Variants in TAFA1 observed in about 807,000 individuals in gnomAD.
TAFA1 encodes chemokine-like protein TAFA-1.
A neutral mutation model predicts 18.5 loss-of-function variants in TAFA1; 4 were observed. The observed-to-expected ratio is 0.22, with a 90% CI of 0.11 to 0.49. The LOEUF (loss-of-function observed/expected upper bound fraction) is 0.49. TAFA1 is among the 20% of genes least tolerant of loss of function. The probability of loss-of-function intolerance (pLI) is 0.98; values close to 1 mark genes in which losing one functional copy is unlikely to be tolerated. For missense variants in TAFA1, 147 were observed against 169.0 expected, an observed-to-expected ratio of 0.87 and a Z score of 0.72; for synonymous variants, 56 against 55.2, an observed-to-expected ratio of 1.01 and a Z score of -0.06.
intron 3 of TAFA1, among the ~76,000 whole-genome samples, chr3:68,440,829 C>A (rs1167714666): frequency 1.3e-5 from 2 of 152,088 alleles, no homozygotes; most frequent in African/African-American, 4.8e-5. Flanking sequence ...GGTCAGTCAC[C>A]GCAGCCAACA....
chr3:68,462,547 T>C (rs1330970256), intron 3 of TAFA1, among the ~76,000 whole-genome samples: 1 of 152,204 alleles, frequency 6.6e-6, no homozygotes, highest in Non-Finnish European at 1.5e-5. Context: ...GTATTGACTA[T>C]GTCTTTATTA....
At chr3:68,037,351 G>A (rs546823156) in intron 2 of TAFA1, among the ~76,000 whole-genome samples, 22 of 152,230 alleles carry the variant, frequency 1.4e-4, no homozygotes, top group African/African-American at 5.1e-4. Flanking sequence ...GTATCATGTC[G>A]AAGAATTTGT....
chr3:68,240,060 T>C (rs553612529), intron 2 of TAFA1, among the ~76,000 whole-genome samples: 3 of 152,312 alleles, frequency 2.0e-5, no homozygotes, highest in South Asian at 4.2e-4. Flanking sequence ...CCCAAGTTTA[T>C]ATATGAGCTG....
chr3:68,434,477 G>A (rs2071235035), intron 3 of TAFA1, among the ~76,000 whole-genome samples: 1 of 152,062 alleles, frequency 6.6e-6, no homozygotes, highest in East Asian at 1.9e-4. Flanking sequence ...CTGTTTTACA[G>A]TACATTGAAG....
In TAFA1 at chr3:68,497,544, T is replaced by C. The variant is rs191532146; in HGVS notation, c.260-41212T>C. ...GGGTGGAAGGGTGGGAGGTTGGTAA[T>C]GTGCCTGGCAGAAGAATCAGCCTGA... On this transcript the variant is annotated intron_variant, in intron 3 of 4. Transcript: ENST00000478136. Among the ~76,000 whole-genome samples the C allele has an allele frequency of 1.1e-4, 16 of 152,178 alleles. No homozygotes were observed. In the East Asian group the frequency reaches 2.9e-3, roughly 28 times the overall value.
At chr3:68,338,604 T>C (rs1257711052) in intron 2 of TAFA1, among the ~76,000 whole-genome samples, 1 of 152,216 alleles carries the variant, frequency 6.6e-6, no homozygotes, top group Non-Finnish European at 1.5e-5. Context: ...CCTCTTTTTA[T>C]AGATGGCAAA....
intron 2 of TAFA1, among the ~76,000 whole-genome samples, chr3:68,108,533 C>T (rs955926472): frequency 5.3e-5 from 8 of 151,688 alleles, no homozygotes; most frequent in South Asian, 4.2e-4. Flanking sequence ...ACTGTGCCTA[C>T]GGTATTAGGC....
chr3:68,384,188 C>G (rs1198354102), intron 2 of TAFA1, among the ~76,000 whole-genome samples: 1 of 151,918 alleles, frequency 6.6e-6, no homozygotes. Flanking sequence ...TTCAGTTCAG[C>G]TCTAATTTCG....
intron 3 of TAFA1, among the ~76,000 whole-genome samples, chr3:68,500,990 A>G (rs1234489762): frequency 6.6e-6 from 1 of 151,570 alleles, no homozygotes; most frequent in Non-Finnish European, 1.5e-5. Flanking sequence ...TGGCTCTACT[A>G]AAAATACAAA....
intron 2 of TAFA1, among the ~76,000 whole-genome samples, chr3:68,248,751 G>C (rs2067134649): frequency 1.1e-5 from 1 of 91,850 alleles, no homozygotes; most frequent in African/African-American, 4.1e-5. Flanking sequence ...GGCGGGGGCT[G>C]GGGGTGGGGT....
intron 2 of TAFA1, among the ~76,000 whole-genome samples, chr3:68,365,132 G>A (rs1282600644): frequency 1.3e-5 from 2 of 152,146 alleles, no homozygotes; most frequent in Non-Finnish European, 2.9e-5. Flanking sequence ...CAAGCAATGT[G>A]ATTATCACTT....
At chr3:68,300,696 A>G (rs2068288431) in intron 2 of TAFA1, among the ~76,000 whole-genome samples, 1 of 152,264 alleles carries the variant, frequency 6.6e-6, no homozygotes, top group Admixed American at 6.5e-5. Context: ...CATAATCATC[A>G]CGTGTCAAGG....
intron 3 of TAFA1, among the ~76,000 whole-genome samples, chr3:68,459,846 C>G (rs2071742794): frequency 6.6e-6 from 1 of 152,166 alleles, no homozygotes; most frequent in Non-Finnish European, 1.5e-5. Flanking sequence ...ATCAGAGATA[C>G]CTGAAGCTCT....
intron 2 of TAFA1, among the ~76,000 whole-genome samples, chr3:68,093,482 G>T (rs1339297573): frequency 6.6e-6 from 1 of 151,930 alleles, no homozygotes; most frequent in Non-Finnish European, 1.5e-5. Context: ...ACTATTTATT[G>T]TGCCTAAGAG....
At chr3:68,294,182 T>C (rs1430328156) in intron 2 of TAFA1, among the ~76,000 whole-genome samples, 3 of 152,202 alleles carry the variant, frequency 2.0e-5, no homozygotes, top group Admixed American at 6.5e-5. Context: ...AATTCTTCCA[T>C]TGGTCAAGGA....
intron 3 of TAFA1, among the ~76,000 whole-genome samples, chr3:68,506,081 C>A (rs117047527): frequency 1.2e-4 from 18 of 151,812 alleles, no homozygotes; most frequent in Non-Finnish European, 2.1e-4. Context: ...GATGTTCCCC[C>A]CTCTGTGTCC....
chr3:68,048,520 G>T lies in TAFA1; in HGVS notation c.118+41776G>T, dbSNP rs6804319. ...TATTATTGTCAACTGTTGTTATTCT[G>T]TTGTACTATCAAACACTAGATCTTA... On this transcript the variant is annotated intron_variant, in intron 2 of 4. Transcript: ENST00000478136. Among the ~76,000 whole-genome samples, 291 of 151,550 alleles carry T rather than the reference G, an allele frequency of 1.9e-3. 3 individuals carry two copies. Among genetic ancestry groups the T allele is most frequent in the African/African-American group, 6.4e-3 (263 of 41,296 alleles).
intron 2 of TAFA1, among the ~76,000 whole-genome samples, chr3:68,351,443 TCAACCCCC>T (rs1193930998): frequency 2.6e-5 from 4 of 152,070 alleles, no homozygotes; most frequent in African/African-American, 9.7e-5. Context: ...GGGTTTTTCT[TCAACCCCC>T]ATAGGTTTGT....
At chr3:68,042,136 C>A (rs1295508810) in intron 2 of TAFA1, among the ~76,000 whole-genome samples, 1 of 152,188 alleles carries the variant, frequency 6.6e-6, no homozygotes, top group Non-Finnish European at 1.5e-5. Flanking sequence ...AGACTCCTCA[C>A]CCCTCCACTT....
Sources: gnomAD v4.1 joint callset for allele counts (sites outside exome capture counted in the v4.1 genomes callset) on GRCh38, gnomAD v4.1.1 for gene constraint, MANE v1.5 for transcripts, NCBI Gene and HGNC (gene_info 2026-07-23, HGNC 2026-07-21) for gene names.